Variants in TBC1D32 observed in about 807,000 individuals in gnomAD.
The protein encoded by TBC1D32 is TBC1 domain family member 32, also known as protein broad-minded.
TBC1D32 carries 151 observed loss-of-function variants against 170.3 expected under a neutral mutation model. That is an observed-to-expected ratio of 0.89 (90% CI 0.78 to 1.01). The LOEUF (loss-of-function observed/expected upper bound fraction) is 1.01. Among genes scored for constraint, TBC1D32 ranks in the 50% least tolerant of loss-of-function variants. The pLI is 0.00. For synonymous variants in TBC1D32, 498 were observed against 488.0 expected, an observed-to-expected ratio of 1.02 and a Z score of -0.27; for missense variants, 1,464 against 1,457.1, an observed-to-expected ratio of 1.00 and a Z score of -0.08.
intron 21 of TBC1D32, among the ~76,000 whole-genome samples, chr6:121,219,933 T>G (rs534341139): frequency 6.6e-6 from 1 of 152,308 alleles, no homozygotes; most frequent in South Asian, 2.1e-4. Context: ...TTAATTATTT[T>G]GGGGCACCAT....
chr6:121,243,746 A>C (rs1797265518), intron 17 of TBC1D32, among the ~76,000 whole-genome samples: 3 of 151,988 alleles, frequency 2.0e-5, no homozygotes, highest in Admixed American at 1.3e-4. Context: ...TCTAAAAAGA[A>C]TATATATAAA....
chr6:121,259,665 C>T (rs1799510858), intron 15 of TBC1D32, among the ~76,000 whole-genome samples: 1 of 152,062 alleles, frequency 6.6e-6, no homozygotes, highest in African/African-American at 2.4e-5. Flanking sequence ...AAATAACAAG[C>T]AGTAATTCAG....
intron 2 of TBC1D32, among the ~76,000 whole-genome samples, chr6:121,320,547 T>C (rs1357256208): frequency 1.3e-5 from 2 of 152,142 alleles, no homozygotes; most frequent in Admixed American, 6.6e-5. Flanking sequence ...GGAATTATAT[T>C]ATCCAAAGAT....
chr6:121,279,320 G>T, intron 14 of TBC1D32, 75 bp from the exon 15 acceptor site: 1 of 1,493,592 alleles, frequency 6.7e-7, no homozygotes, highest in South Asian at 1.3e-5. Context: ...TAAAATCCGA[G>T]GATTGTAAGT....
chr6:121,193,789 T>C (rs1221797221), intron 22 of TBC1D32, among the ~76,000 whole-genome samples: 1 of 152,186 alleles, frequency 6.6e-6, no homozygotes, highest in Non-Finnish European at 1.5e-5. Flanking sequence ...TTAGGTCAAA[T>C]GGACAAAAGA....
At chr6:121,222,972 T>C (rs1159235254) in intron 21 of TBC1D32, among the ~76,000 whole-genome samples, 1 of 152,180 alleles carries the variant, frequency 6.6e-6, no homozygotes, top group African/African-American at 2.4e-5. Flanking sequence ...CTCACATGTA[T>C]ACTTCTATTT....
chr6:121,206,680 A>G (rs1583213280), intron 21 of TBC1D32, among the ~76,000 whole-genome samples: 1 of 152,354 alleles, frequency 6.6e-6, no homozygotes, highest in East Asian at 1.9e-4. Context: ...TATTTTGTAG[A>G]AGTGTGTAAA....
intron 15 of TBC1D32, among the ~76,000 whole-genome samples, chr6:121,260,576 C>T (rs373181782): frequency 6.6e-6 from 1 of 152,184 alleles, no homozygotes; most frequent in South Asian, 2.1e-4. Context: ...CTCCCCTCAG[C>T]CAAGTGGGAT....
rs1355533997 is a variant in TBC1D32 at position 121,080,639 on chromosome 6, C to G, written c.*132G>C. The G allele has an allele frequency of 1.7e-6, 2 of 1,166,088 alleles. No homozygotes were observed. Among genetic ancestry groups the G allele is most frequent in the Non-Finnish European group, 2.3e-6 (2 of 852,826 alleles). The allele number at this position is 1,166,088 out of a possible 1,614,324, so 72.2% of individuals were successfully genotyped here. ...TGAGCTCATACCTACTTAAATATAT[C>G]GTTATACTTCTCAGTATTTACAATA... On this transcript the variant is annotated 3_prime_UTR_variant, in exon 32 of 32. Coordinates refer to ENST00000398212, the MANE Select transcript of TBC1D32 (RefSeq NM_152730.6).
At chr6:121,294,986 T>C (rs1028021893) in intron 10 of TBC1D32, among the ~76,000 whole-genome samples, 7 of 152,162 alleles carry the variant, frequency 4.6e-5, no homozygotes, top group Non-Finnish European at 8.8e-5. Context: ...CTTTAGAAAC[T>C]ATCTTGTCCA....
At chr6:121,230,030 C>T (rs1795542040) in intron 20 of TBC1D32, among the ~76,000 whole-genome samples, 1 of 152,044 alleles carries the variant, frequency 6.6e-6, no homozygotes. Context: ...TTCCTGAGGC[C>T]TCCCCAGACA....
chr6:121,162,013 C>G (rs374246546), intron 22 of TBC1D32, among the ~76,000 whole-genome samples: 1 of 152,118 alleles, frequency 6.6e-6, no homozygotes, highest in South Asian at 2.1e-4. Context: ...GTCCTTTGCC[C>G]ACTTTTTAAT....
At chr6:121,158,127 T>A (rs1785144884) in intron 24 of TBC1D32, among the ~76,000 whole-genome samples, 1 of 152,120 alleles carries the variant, frequency 6.6e-6, no homozygotes, top group Non-Finnish European at 1.5e-5. Flanking sequence ...CTCTCAAGAA[T>A]GCAAATGAGT....
At chr6:121,090,443 G>C (rs1776688835) in intron 31 of TBC1D32, among the ~76,000 whole-genome samples, 1 of 152,012 alleles carries the variant, frequency 6.6e-6, no homozygotes, top group Non-Finnish European at 1.5e-5. Flanking sequence ...AATCTTTCAT[G>C]AAAATCTTTT....
At chr6:121,118,697 C>A (rs1327469868) in intron 26 of TBC1D32, among the ~76,000 whole-genome samples, 2 of 152,118 alleles carry the variant, frequency 1.3e-5, no homozygotes, top group Non-Finnish European at 2.9e-5. Context: ...TAATGCCCTC[C>A]CTTACCTGTC....
At chr6:121,224,892 T>C (rs555415563) in intron 20 of TBC1D32, among the ~76,000 whole-genome samples, 1 of 152,172 alleles carries the variant, frequency 6.6e-6, no homozygotes, top group East Asian at 1.9e-4. Context: ...CAATATTCCC[T>C]AAAATGAAGA....
intron 22 of TBC1D32, among the ~76,000 whole-genome samples, chr6:121,161,388 T>C (rs1253233260): frequency 6.6e-6 from 1 of 152,154 alleles, no homozygotes; most frequent in Non-Finnish European, 1.5e-5. Context: ...GTGTGTGTTG[T>C]TCCCCACCAT....
intron 3 of TBC1D32, among the ~76,000 whole-genome samples, chr6:121,316,064 G>A (rs181398341): frequency 8.5e-4 from 130 of 152,062 alleles, no homozygotes; most frequent in Non-Finnish European, 1.5e-3. Context: ...TCCTCCTCAA[G>A]AACTGAAACA....
intron 15 of TBC1D32, among the ~76,000 whole-genome samples, chr6:121,276,678 G>T (rs763889129): frequency 6.6e-5 from 10 of 152,030 alleles, no homozygotes; most frequent in Non-Finnish European, 1.2e-4. Context: ...TAAACATAAA[G>T]ACGAAGATAA....
Sources: allele counts gnomAD v4.1 joint callset (sites outside exome capture counted in the v4.1 genomes callset), GRCh38; gene constraint gnomAD v4.1.1; transcripts MANE v1.5; gene names NCBI Gene and HGNC (gene_info 2026-07-23, HGNC 2026-07-21).